The following VAV2 variants were observed in gnomAD, a reference collection of about 807,000 sequenced individuals.
VAV2 encodes the protein vav guanine nucleotide exchange factor 2, also known as guanine nucleotide exchange factor VAV2.
VAV2 carries 67 observed loss-of-function variants against 132.5 expected under a neutral mutation model. The observed-to-expected ratio is 0.51, with a 90% CI of 0.42 to 0.62. The LOEUF (loss-of-function observed/expected upper bound fraction) is 0.62, where lower values mean the gene tolerates loss of function less well. VAV2 is among the 20% of genes least tolerant of loss of function. The probability of loss-of-function intolerance (pLI) is 0.00; values close to 1 mark genes in which losing one functional copy is unlikely to be tolerated. For synonymous variants in VAV2, 492 were observed against 443.5 expected (o/e 1.11, Z -1.37); for missense variants, 938 against 1,153.6 (o/e 0.81, Z 2.71).
intron 1 of VAV2, among the ~76,000 whole-genome samples, chr9:133,973,906 C>G (rs112359823): frequency 0.098 from 14,957 of 152,228 alleles, 873 homozygotes; most frequent in Non-Finnish European, 0.14. Context: ...GGCAGAAAAA[C>G]AACATGGCAA....
intron 2 of VAV2, among the ~76,000 whole-genome samples, chr9:133,887,138 C>G (rs1353571665): frequency 6.6e-6 from 1 of 152,188 alleles, no homozygotes; most frequent in Non-Finnish European, 1.5e-5. Flanking sequence ...TCCTTTGGGG[C>G]AGGGTGAGGT....
intron 1 of VAV2, among the ~76,000 whole-genome samples, chr9:133,964,040 T>TATAC (rs1554819025): frequency 3.8e-5 from 4 of 104,064 alleles, no homozygotes; most frequent in South Asian, 3.9e-4. Context: ...TATATATATA[T>TATAC]ATATATATAC....
chr9:133,866,370 C>T (rs1837799762), intron 2 of VAV2, among the ~76,000 whole-genome samples: 1 of 152,212 alleles, frequency 6.6e-6, no homozygotes, highest in Non-Finnish European at 1.5e-5. Context: ...ATCCCTACGC[C>T]TTCTGCAGAG....
chr9:133,915,332 C>G (rs1210904839), intron 2 of VAV2, among the ~76,000 whole-genome samples: 1 of 152,150 alleles, frequency 6.6e-6, no homozygotes, highest in East Asian at 1.9e-4. Flanking sequence ...AGCCACCATC[C>G]ACACCCCTCA....
At chr9:133,778,204 C>T (rs962198484) in intron 22 of VAV2, among the ~76,000 whole-genome samples, 4 of 151,838 alleles carry the variant, frequency 2.6e-5, no homozygotes, top group African/African-American at 9.7e-5. Flanking sequence ...GGGATGAACG[C>T]CCACAAAGGT....
intron 17 of VAV2, among the ~76,000 whole-genome samples, chr9:133,785,076 G>C (rs1041982746): frequency 1.2e-4 from 19 of 152,268 alleles, no homozygotes; most frequent in African/African-American, 3.8e-4. Context: ...CCAGCTGGCT[G>C]CATCTATTCT....
chr9:133,911,385 C>A (rs911431704), intron 2 of VAV2, among the ~76,000 whole-genome samples: 5 of 152,172 alleles, frequency 3.3e-5, no homozygotes, highest in Admixed American at 2.0e-4. Context: ...AGACTAAGAC[C>A]TTGACGTTCA....
chr9:133,912,347 C>G lies in VAV2; in HGVS notation c.321+26756G>C, dbSNP rs996130901. Reference sequence around the variant, plus strand: ...GGGAACATGAGACCCGGGCTGAACACGAGGCTATGTCCGTCCAAATCCCCA... The same window carrying G: ...GGGAACATGAGACCCGGGCTGAACAGGAGGCTATGTCCGTCCAAATCCCCA... On this transcript the variant is annotated intron_variant, in intron 2 of 29. Transcript: ENST00000371850. This position sits in a 1 kb window ranked among gnomAD's most constrained non-coding sequence, Gnocchi z 4.3. 6.6e-6 allele frequency among the ~76,000 whole-genome samples: 1 copy of G among 152,184 alleles called. No homozygotes were observed. The highest frequency in any genetic ancestry group is 2.4e-5 in the African/African-American group (1 of 41,436).
At chr9:133,959,522 G>T (rs1046976236) in intron 1 of VAV2, among the ~76,000 whole-genome samples, 2 of 152,102 alleles carry the variant, frequency 1.3e-5, no homozygotes. Flanking sequence ...CTACCAGGGA[G>T]CCCAGGGCAC....
At position 133,992,235 on chromosome 9, in the gene VAV2, T is replaced by C; in HGVS notation, c.44A>G (p.Lys15Arg). 2 of 1,587,620 alleles carry C rather than the reference T, an allele frequency of 1.3e-6. No individual in the cohort carries two copies. Among genetic ancestry groups the C allele is most frequent in the Non-Finnish European group, 1.7e-6 (2 of 1,167,906 alleles). The stretch of plus-strand genomic sequence containing the variant: ...CACCCGGTGGTTGGGCGGCAGGACC[T>C]TGCAATCGATGAGCCAGCGGCCGCA... ...RQCGRWLIDCKVLPPNHRVVW... is the reference protein window; with the variant it reads ...RQCGRWLIDCRVLPPNHRVVW... Residue 15 changes from lysine to arginine, a missense_variant, in exon 1 of 30, where the codon AAG (lysine) becomes AGG (arginine). Coordinates refer to ENST00000371850, the MANE Select transcript of VAV2 (RefSeq NM_001134398.2). This position sits in a 1 kb window ranked among gnomAD's most constrained non-coding sequence, Gnocchi z 5.5.
At chr9:133,947,247 A>G (rs1841392009) in intron 1 of VAV2, among the ~76,000 whole-genome samples, 1 of 152,190 alleles carries the variant, frequency 6.6e-6, no homozygotes, top group African/African-American at 2.4e-5. Context: ...TTATTCCTGC[A>G]CACATCAATG....
chr9:133,855,088 G>A (rs976773560), intron 3 of VAV2, among the ~76,000 whole-genome samples: 2 of 152,206 alleles, frequency 1.3e-5, no homozygotes, highest in South Asian at 2.1e-4. Context: ...GGAAGAGAGT[G>A]GAGAGAGCAG....
Position 133,790,527 on chromosome 9 carries a change from A to T in VAV2, c.1189-1184T>A, listed in dbSNP as rs547679870. ...TTACTTCTATGTAAAAACTTAAAAA[A>T]CAAAACAAAACGAACTTTTCTCCTC... On this transcript the variant is annotated intron_variant, in intron 13 of 29. Coordinates refer to ENST00000371850, the MANE Select transcript of VAV2 (RefSeq NM_001134398.2). 1.8e-4 allele frequency among the ~76,000 whole-genome samples: 27 copies of T among 152,296 alleles called. No homozygotes were observed. In the South Asian group the frequency reaches 5.6e-3, roughly 32 times the overall value.
intron 2 of VAV2, among the ~76,000 whole-genome samples, chr9:133,921,365 T>C (rs1040678460): frequency 2.0e-5 from 3 of 152,218 alleles, no homozygotes; most frequent in African/African-American, 7.2e-5. Flanking sequence ...AGGCCAGGTA[T>C]GGTGGCTCAC....
At chr9:133,851,063 C>T (rs1837148334) in intron 3 of VAV2, among the ~76,000 whole-genome samples, 1 of 152,234 alleles carries the variant, frequency 6.6e-6, no homozygotes, top group African/African-American at 2.4e-5. Flanking sequence ...TTTTCTCCAG[C>T]ATCTTCTAAA....
intron 2 of VAV2, among the ~76,000 whole-genome samples, chr9:133,893,822 A>C (rs1839083243): frequency 1.3e-5 from 2 of 152,126 alleles, no homozygotes; most frequent in Non-Finnish European, 2.9e-5. Context: ...ACCGCCCCTG[A>C]AACCCACCGC....
chr9:133,841,089 G>A (rs1023454265), intron 3 of VAV2, among the ~76,000 whole-genome samples: 6 of 152,126 alleles, frequency 3.9e-5, no homozygotes, highest in African/African-American at 1.4e-4. Flanking sequence ...AAACACAGCT[G>A]CCCTCCTTCC....
intron 1 of VAV2, among the ~76,000 whole-genome samples, chr9:133,971,348 G>A (rs767981939): frequency 6.6e-5 from 10 of 152,280 alleles, no homozygotes; most frequent in Admixed American, 1.3e-4. Context: ...AGCAGGCACC[G>A]TGGGACCGGT....
chr9:133,835,124 C>T (rs1836417707), intron 3 of VAV2, among the ~76,000 whole-genome samples: 2 of 152,192 alleles, frequency 1.3e-5, no homozygotes, highest in South Asian at 4.1e-4. Flanking sequence ...TTTTGTGGAA[C>T]TGTCATGCAT....
Sources: gnomAD v4.1 joint callset for allele counts (sites outside exome capture counted in the v4.1 genomes callset) on GRCh38, gnomAD v4.1.1 for gene constraint, Gnocchi (gnomAD v3.1) non-coding constraint, MANE v1.5 for transcripts, NCBI Gene and HGNC (gene_info 2026-07-23, HGNC 2026-07-21) for gene names.